Variants in DYNC1H1 observed in about 807,000 individuals in gnomAD.
The protein encoded by DYNC1H1 is cytoplasmic dynein 1 heavy chain 1.
A neutral mutation model predicts 527.1 loss-of-function variants in DYNC1H1; 51 were observed. The ratio of observed to expected loss-of-function variants is 0.10; its 90% CI spans 0.08 to 0.12. The LOEUF (loss-of-function observed/expected upper bound fraction) is 0.12, where lower values mean the gene tolerates loss of function less well. Ranked by LOEUF, DYNC1H1 falls within the 10% of genes least tolerant of loss-of-function variation. DYNC1H1 has a pLI of 1.00. For synonymous variants in DYNC1H1, 2,189 were observed against 2,278.8 expected (o/e 0.96, Z 1.12); for missense variants, 2,771 against 5,971.8 (o/e 0.46, Z 17.66).
intron 2 of DYNC1H1, among the ~76,000 whole-genome samples, chr14:101,978,489 T>C (rs1429752509): frequency 6.6e-6 from 1 of 152,190 alleles, no homozygotes. Flanking sequence ...GTATTGTGTA[T>C]AAAGTACTGG....
Position 102,016,705 on chromosome 14 carries a change from C to G in DYNC1H1, c.7615-61C>G. The G allele has an allele frequency of 3.2e-6, 5 of 1,580,078 alleles. No individual in the cohort carries two copies. Among genetic ancestry groups the G allele is most frequent in the Non-Finnish European group, 4.3e-6 (5 of 1,161,340 alleles). On this transcript the variant is annotated intron_variant, in intron 37 of 77. Transcript: ENST00000360184. This position sits in a 1 kb window ranked among gnomAD's most constrained non-coding sequence, Gnocchi z 7.3. ...AAGTTCAAGTTTGTGTTCAGGTAAA[C>G]AAACCTCGTGAGGAGGCACCTTGGT...
Position 102,052,018 on chromosome 14 carries a change from G to C in DYNC1H1, c.*1455G>C, listed in dbSNP as rs980850242. 7 of 152,194 alleles carry C rather than the reference G, an allele frequency of 4.6e-5. No homozygotes were observed. The highest frequency in any genetic ancestry group is 1.7e-4 in the African/African-American group (7 of 41,412). 9.4% of individuals were successfully genotyped at this position (152,194 alleles called of 1,614,324 possible). ...AATTTTTGTATTTTTTGTAGAGATG[G>C]AATCTCGCTATTTTCCCTGGGCTGG... On this transcript the variant is annotated 3_prime_UTR_variant, in exon 78 of 78. Coordinates refer to ENST00000360184, the MANE Select transcript of DYNC1H1 (RefSeq NM_001376.5).
chr14:102,043,127 T>C lies in DYNC1H1; in HGVS notation c.12513+379T>C, dbSNP rs1022473633. 4 of 334,890 alleles carry C rather than the reference T, an allele frequency of 1.2e-5. No homozygotes were observed. The East Asian group carries it at 2.3e-4, about 20-fold the overall frequency. The allele number at this position is 334,890 out of a possible 1,614,324, so 20.7% of individuals were successfully genotyped here. A position where few individuals can be genotyped will look rare whatever the true frequency, so the allele number is the denominator to read the frequency against. On this transcript the variant is annotated intron_variant, in intron 69 of 77. Transcript: ENST00000360184. Reference sequence around the variant, plus strand: ...TGAAACTCCGTCTCTACTAAAAATATAAAAAATTAGCCAGGCGTGGTGGCG... The same window carrying C: ...TGAAACTCCGTCTCTACTAAAAATACAAAAAATTAGCCAGGCGTGGTGGCG...
chr14:101,970,415 A>G lies in DYNC1H1; in HGVS notation c.257-5297A>G, dbSNP rs140373344. On this transcript the variant is annotated intron_variant, in intron 1 of 77. Transcript: ENST00000360184. ...GGGAAAAAAAGGGAGGCCGTGTATA[A>G]TAGTGATTGACCACCAGAATAATAA... is the stretch of plus-strand genomic sequence containing the variant. 9.7e-3 allele frequency among the ~76,000 whole-genome samples: 1,464 copies of G among 151,442 alleles called. 31 individuals carry two copies. Among genetic ancestry groups the G allele is most frequent in the African/African-American group, 0.034 (1,398 of 41,118 alleles).
chr14:102,054,107 A>T lies in DYNC1H1; in HGVS notation c.*3544A>T, dbSNP rs1376037510. On this transcript the variant is annotated 3_prime_UTR_variant, in exon 78 of 78. Coordinates refer to ENST00000360184, the MANE Select transcript of DYNC1H1 (RefSeq NM_001376.5). ...CCCAAAAACAGCCTGAGAGCCCGCC[A>T]CCACTGGGGACTCAGCCTGAGCCTT... 16 of 152,214 alleles carry T rather than the reference A, an allele frequency of 1.1e-4. No homozygotes were observed. The highest frequency in any genetic ancestry group is 1.0e-3 in the Admixed American group (16 of 15,278). The allele number at this position is 152,214 out of a possible 1,614,324, so 9.4% of individuals were successfully genotyped here.
chr14:101,970,470 GTTGTTTTTTTT>G (rs1168302074), intron 1 of DYNC1H1, among the ~76,000 whole-genome samples: 2 of 96,276 alleles, frequency 2.1e-5, no homozygotes, highest in African/African-American at 4.8e-5. Flanking sequence ...TTGGTTTGTT[GTTGTTTTTTTT>G]TTTTTTTTTT....
Position 102,028,089 on chromosome 14 carries a change from A to G in DYNC1H1, c.9416A>G (p.His3139Arg). Reference sequence around the variant, plus strand: ...GATAAGCTGCCGCAGCCACCATCCCATCGGGAAGCCATTGTGAACAGCTGT... The same window carrying G: ...GATAAGCTGCCGCAGCCACCATCCCGTCGGGAAGCCATTGTGAACAGCTGT... The part of the protein sequence containing the change: ...VYDKLPQPPS[H>R]REAIVNSCVF... Residue 3139 changes from histidine to arginine, a missense_variant, in exon 48 of 78, where the codon CAT becomes CGT. Coordinates refer to ENST00000360184, the MANE Select transcript of DYNC1H1 (RefSeq NM_001376.5). 6.2e-7 allele frequency: 1 copy of G among 1,614,170 alleles called. No homozygotes were observed. Among genetic ancestry groups the G allele is most frequent in the Middle Eastern group, 1.7e-4 (1 of 6,060 alleles).
chr14:102,052,200 C>A lies in DYNC1H1; in HGVS notation c.*1637C>A. 1 of 152,476 alleles carries A rather than the reference C, an allele frequency of 6.6e-6. No individual in the cohort carries two copies. Among genetic ancestry groups the A allele is most frequent in the South Asian group, 2.1e-4 (1 of 4,840 alleles). 9.4% of individuals were successfully genotyped at this position (152,476 alleles called of 1,614,324 possible). ...CCAGGCTGGAGTGCAGTGGCGTGAC[C>A]ATGGCTCACTGCAGCCTCAACCTCC... On this transcript the variant is annotated 3_prime_UTR_variant, in exon 78 of 78. Transcript: ENST00000360184.
chr14:102,004,049 G>A lies in DYNC1H1; in HGVS notation c.4884-469G>A, dbSNP rs17512292. Among the ~76,000 whole-genome samples the A allele has an allele frequency of 4.1e-3, 621 of 152,034 alleles. 1 individual carries two copies. Among genetic ancestry groups the A allele is most frequent in the Non-Finnish European group, 7.3e-3 (499 of 67,982 alleles). ...GAGGTCAGGAGATCGAGACCATCCT[G>A]GCTAACATGGTGAAACCCCGTCTCT... On this transcript the variant is annotated intron_variant, in intron 23 of 77. Coordinates refer to ENST00000360184, the MANE Select transcript of DYNC1H1 (RefSeq NM_001376.5).
In DYNC1H1 at chr14:101,979,666, C is replaced by G; in HGVS notation, c.519-53C>G. On this transcript the variant is annotated intron_variant, in intron 3 of 77. Transcript: ENST00000360184. The surrounding 1 kb of genome is among the most constrained non-coding windows in gnomAD (Gnocchi z 4.6). ...TTTGACAGACCTGAAATGATGGGATCTCTTTGGAGACCAATAGCACACTAA... is the reference window on the plus strand; with the variant it reads ...TTTGACAGACCTGAAATGATGGGATGTCTTTGGAGACCAATAGCACACTAA... 6.2e-7 allele frequency: 1 copy of G among 1,612,522 alleles called. No homozygotes were observed. Among genetic ancestry groups the G allele is most frequent in the African/African-American group, 1.3e-5 (1 of 75,010 alleles).
chr14:102,002,678 C>T lies in DYNC1H1; in HGVS notation c.4684C>T (p.Pro1562Ser). The T allele has an allele frequency of 6.2e-7, 1 of 1,614,238 alleles. No homozygotes were observed. Among genetic ancestry groups the T allele is most frequent in the Non-Finnish European group, 8.5e-7 (1 of 1,180,044 alleles). The part of the protein sequence containing the change: ...TGSADIKHLL[P>S]VETQRFQSIS... ...CAGTGCAGATATCAAGCACCTGCTG[C>T]CAGTGGAAACCCAGCGGTTTCAGAG... is the stretch of plus-strand genomic sequence containing the variant. The change falls in exon 22 of 78, where the codon CCA becomes TCA. Residue 1562 changes from proline to serine, a missense_variant. By Grantham distance (74) the Pro-to-Ser change is moderately conservative. Around this residue, in one of 32 missense-constraint regions of DYNC1H1, gnomAD observed 51 missense variants for 189.2 expected, o/e 0.27. Transcript: ENST00000360184. The surrounding 1 kb of genome is among the most constrained non-coding windows in gnomAD (Gnocchi z 4.4).
Position 102,001,521 on chromosome 14 carries a change from T to C in DYNC1H1, c.4396-14T>C. 1 of 1,614,214 alleles carries C rather than the reference T, an allele frequency of 6.2e-7. No individual in the cohort carries two copies. The highest frequency in any genetic ancestry group is 1.1e-5 in the South Asian group (1 of 91,078). The stretch of plus-strand genomic sequence containing the variant: ...CACATATTGATAACATGCATCTTTC[T>C]GGTTTGAATTCAGATAAGAGAAGTG... On this transcript the variant is annotated splice_polypyrimidine_tract_variant and intron_variant, in intron 20 of 77. Transcript: ENST00000360184. This position sits in a 1 kb window ranked among gnomAD's most constrained non-coding sequence, Gnocchi z 5.0.
intron 18 of DYNC1H1, 62 bp from the exon 19 acceptor site, chr14:102,000,892 A>G (rs1267995930): frequency 6.7e-7 from 1 of 1,494,348 alleles, no homozygotes; most frequent in African/African-American, 1.4e-5. Flanking sequence ...TTTTTAAAGA[A>G]ATATTTCACC....
intron 72 of DYNC1H1, 182 bp from the exon 73 acceptor site, chr14:102,047,635 G>GTATATATATATATATA (rs1434959122): frequency 2.5e-6 from 1 of 399,126 alleles, no homozygotes; most frequent in South Asian, 2.5e-5. Context: ...GTGTGTGTGT[G>GTATATATATATATATA]TGTGTGTATA....
intron 5 of DYNC1H1, 33 bp downstream of exon 5, chr14:101,980,583 G>A (rs768748324): frequency 6.2e-7 from 1 of 1,606,990 alleles, no homozygotes; most frequent in African/African-American, 1.3e-5. Flanking sequence ...TGATCAGTAA[G>A]TTATTGATCT....
Position 102,042,203 on chromosome 14 carries a change from C to T in DYNC1H1, c.12215-25C>T, listed in dbSNP as rs779966812. ...GCATTGATGTCCGAGGCTGCCGCTG[C>T]TAACACTAAGTTTCCCTGCACCAGG... On this transcript the variant is annotated intron_variant, in intron 66 of 77. Coordinates refer to ENST00000360184, the MANE Select transcript of DYNC1H1 (RefSeq NM_001376.5). This position sits in a 1 kb window ranked among gnomAD's most constrained non-coding sequence, Gnocchi z 5.7. 3.1e-6 allele frequency: 5 copies of T among 1,614,058 alleles called. No homozygotes were observed. The highest frequency in any genetic ancestry group is 1.6e-4 in the Middle Eastern group (1 of 6,062).
Position 102,012,226 on chromosome 14 carries a change from G to T in DYNC1H1, c.6858-88G>T. On this transcript the variant is annotated intron_variant, in intron 33 of 77. Coordinates refer to ENST00000360184, the MANE Select transcript of DYNC1H1 (RefSeq NM_001376.5). The surrounding 1 kb of genome is among the most constrained non-coding windows in gnomAD (Gnocchi z 4.9). ...TCAACCAAAGTCTGAGCAAATTAAAGGTCATTTCAGAAACCATCATCGGTA... is the reference window on the plus strand; with the variant it reads ...TCAACCAAAGTCTGAGCAAATTAAATGTCATTTCAGAAACCATCATCGGTA... 6.2e-7 allele frequency: 1 copy of T among 1,612,500 alleles called. No individual in the cohort carries two copies. The highest frequency in any genetic ancestry group is 8.5e-7 in the Non-Finnish European group (1 of 1,178,850).
At position 102,053,046 on chromosome 14, in the gene DYNC1H1, C is replaced by A. The variant is rs2048831908; in HGVS notation, c.*2483C>A. Reference sequence around the variant, plus strand: ...TCAGTCCAAGAGCAGTTCTGCGAGGCGGAATCAAGTCTAACATGCTCGCAT... The same window carrying A: ...TCAGTCCAAGAGCAGTTCTGCGAGGAGGAATCAAGTCTAACATGCTCGCAT... On this transcript the variant is annotated 3_prime_UTR_variant, in exon 78 of 78. Coordinates refer to ENST00000360184, the MANE Select transcript of DYNC1H1 (RefSeq NM_001376.5). 1 of 152,094 alleles carries A rather than the reference C, an allele frequency of 6.6e-6. No homozygotes were observed. The highest frequency in any genetic ancestry group is 6.6e-5 in the Admixed American group (1 of 15,256). 9.4% of individuals were successfully genotyped at this position (152,094 alleles called of 1,614,324 possible).
chr14:101,990,349 G>T (rs1182327675), intron 10 of DYNC1H1, among the ~76,000 whole-genome samples: 1 of 152,074 alleles, frequency 6.6e-6, no homozygotes, highest in Admixed American at 6.6e-5. Context: ...ATATACTTAG[G>T]CCAAACCAGA....
Sources: gnomAD v4.1 joint callset for allele counts (sites outside exome capture counted in the v4.1 genomes callset) on GRCh38, gnomAD v4.1.1 for gene constraint, gnomAD v4.1.1 regional missense constraint, Gnocchi (gnomAD v3.1) non-coding constraint, MANE v1.5 for transcripts, NCBI Gene and HGNC (gene_info 2026-07-23, HGNC 2026-07-21) for gene names.